The following LSAMP variants were observed in gnomAD, a reference collection of about 807,000 sequenced individuals.
The protein encoded by LSAMP is limbic system associated membrane protein.
A neutral mutation model predicts 38.6 loss-of-function variants in LSAMP; 7 were observed. The ratio of observed to expected loss-of-function variants is 0.18; its 90% CI spans 0.10 to 0.34. The LOEUF (loss-of-function observed/expected upper bound fraction) is 0.34. Ranked by LOEUF, LSAMP falls within the 10% of genes least tolerant of loss-of-function variation. The pLI, the probability that LSAMP is intolerant of heterozygous loss-of-function variation, is 1.00. For missense variants in LSAMP, 313 were observed against 420.0 expected, an observed-to-expected ratio of 0.75 and a Z score of 2.23; for synonymous variants, 154 against 166.8, an observed-to-expected ratio of 0.92 and a Z score of 0.59.
chr3:116,273,923 T>C (rs2047013898), intron 1 of LSAMP, among the ~76,000 whole-genome samples: 1 of 149,696 alleles, frequency 6.7e-6, no homozygotes, highest in Non-Finnish European at 1.5e-5. Flanking sequence ...TGTTTGACCA[T>C]AGGTTAGAAG....
At chr3:115,892,394 C>A (rs1479978919) in intron 3 of LSAMP, among the ~76,000 whole-genome samples, 1 of 151,970 alleles carries the variant, frequency 6.6e-6, no homozygotes, top group Non-Finnish European at 1.5e-5. Flanking sequence ...GTGGTATATT[C>A]ACACATTGGA....
At chr3:115,961,481 A>T (rs1436978806) in intron 3 of LSAMP, among the ~76,000 whole-genome samples, 2 of 152,184 alleles carry the variant, frequency 1.3e-5, no homozygotes, top group Non-Finnish European at 2.9e-5. Flanking sequence ...TCTTAGACAA[A>T]TCTGGCTTGA....
At chr3:116,111,802 A>G (rs530363020) in intron 1 of LSAMP, among the ~76,000 whole-genome samples, 1 of 152,342 alleles carries the variant, frequency 6.6e-6, no homozygotes, top group East Asian at 1.9e-4. Flanking sequence ...TTCTAATGAA[A>G]GAGATATATT....
chr3:116,033,528 C>A (rs1940976564), intron 2 of LSAMP, among the ~76,000 whole-genome samples: 1 of 152,100 alleles, frequency 6.6e-6, no homozygotes. Flanking sequence ...CCTCGTGGCT[C>A]CCGGTCTCAC....
At chr3:116,263,463 G>C (rs964909275) in intron 1 of LSAMP, among the ~76,000 whole-genome samples, 1 of 151,644 alleles carries the variant, frequency 6.6e-6, no homozygotes, top group Admixed American at 6.6e-5. Context: ...GCTTGAACTT[G>C]CGAGGCAGAG....
At chr3:115,871,768 A>T (rs1434551557) in intron 3 of LSAMP, among the ~76,000 whole-genome samples, 3 of 152,110 alleles carry the variant, frequency 2.0e-5, no homozygotes, top group Non-Finnish European at 2.9e-5. Context: ...TCTAGGAAGA[A>T]CTAAACCTCC....
intron 2 of LSAMP, among the ~76,000 whole-genome samples, chr3:116,029,015 A>T (rs908696279): frequency 2.6e-5 from 4 of 152,124 alleles, no homozygotes; most frequent in African/African-American, 7.2e-5. Context: ...TTTTCACCAA[A>T]TTTTTTAGAA....
chr3:116,439,746 C>T (rs1387236099), intron 1 of LSAMP, among the ~76,000 whole-genome samples: 2 of 152,172 alleles, frequency 1.3e-5, no homozygotes, highest in African/African-American at 4.8e-5. Flanking sequence ...ATTTTTGAGA[C>T]GGAGTCTCGC....
At chr3:116,249,104 G>A (rs1290931031) in intron 1 of LSAMP, among the ~76,000 whole-genome samples, 2 of 149,352 alleles carry the variant, frequency 1.3e-5, no homozygotes, top group Non-Finnish European at 3.0e-5. Flanking sequence ...GGCCAAGATC[G>A]CGCCACTGCA....
chr3:115,849,013 G>T (rs999498278), intron 4 of LSAMP, among the ~76,000 whole-genome samples: 8 of 152,180 alleles, frequency 5.3e-5, no homozygotes, highest in African/African-American at 1.9e-4. Flanking sequence ...TACATTTAAT[G>T]CACTGTGAAC....
chr3:116,229,985 T>C (rs937696101), intron 1 of LSAMP, among the ~76,000 whole-genome samples: 1 of 152,134 alleles, frequency 6.6e-6, no homozygotes, highest in Non-Finnish European at 1.5e-5. Context: ...CAAAGAAGAA[T>C]GACTGAAAAA....
chr3:116,163,787 ATTTCATGCCACATT>A (rs1222422889), intron 1 of LSAMP, among the ~76,000 whole-genome samples: 1 of 152,164 alleles, frequency 6.6e-6, no homozygotes, highest in Admixed American at 6.5e-5. Context: ...TAATTTTAAA[ATTTCATGCCACATT>A]TTTCATATTC....
At chr3:116,005,877 A>C (rs908405238) in intron 3 of LSAMP, among the ~76,000 whole-genome samples, 1 of 152,180 alleles carries the variant, frequency 6.6e-6, no homozygotes, top group South Asian at 2.1e-4. Flanking sequence ...GTGAGGAGCT[A>C]GCAATAGGGT....
At chr3:116,060,014 A>G (rs1941564468) in intron 2 of LSAMP, among the ~76,000 whole-genome samples, 1 of 152,198 alleles carries the variant, frequency 6.6e-6, no homozygotes. Flanking sequence ...CAGGCAGAAA[A>G]TGCTGATAAT....
chr3:116,145,966 T>A (rs150049134), intron 1 of LSAMP, among the ~76,000 whole-genome samples: 1 of 151,990 alleles, frequency 6.6e-6, no homozygotes, highest in Non-Finnish European at 1.5e-5. Flanking sequence ...GTATTTATAA[T>A]CTTTATTGCT....
chr3:115,851,916 A>G (rs1935343772), intron 4 of LSAMP, among the ~76,000 whole-genome samples: 1 of 152,176 alleles, frequency 6.6e-6, no homozygotes, highest in African/African-American at 2.4e-5. Flanking sequence ...TATGCATCTT[A>G]GTGAAATCTT....
chr3:116,225,582 A>T (rs1471983596), intron 1 of LSAMP, among the ~76,000 whole-genome samples: 2 of 152,326 alleles, frequency 1.3e-5, no homozygotes, highest in East Asian at 3.9e-4. Context: ...GTGACATGGT[A>T]TTGAGGCTAT....
At chr3:116,341,512 AC>A (rs2047994926) in intron 1 of LSAMP, among the ~76,000 whole-genome samples, 1 of 152,048 alleles carries the variant, frequency 6.6e-6, no homozygotes, top group African/African-American at 2.4e-5. Flanking sequence ...TAGTAATATG[AC>A]TTGAAAAATC....
In LSAMP at chr3:116,444,803, CACACACAA is replaced by C. The variant is rs869201478; in HGVS notation, c.155+66_155+73del. ...AGGAGATCAGACACACACACACACACACACACAAACACACACACACACACACACACACG... is the reference window on the plus strand; with the variant it reads ...AGGAGATCAGACACACACACACACACACACACACACACACACACACACACG... On this transcript the variant is annotated intron_variant, in intron 1 of 6. Coordinates refer to ENST00000490035, the MANE Select transcript of LSAMP (RefSeq NM_002338.5). 22 of 1,511,758 alleles carry C rather than the reference CACACACAA, an allele frequency of 1.5e-5. No homozygotes were observed. In the African/African-American group the frequency reaches 3.8e-4, roughly 26 times the overall value. The allele number at this position is 1,511,758 out of a possible 1,614,324, so 93.6% of individuals were successfully genotyped here. A position where few individuals can be genotyped will look rare whatever the true frequency, so the allele number is the denominator to read the frequency against.
Sources: allele counts gnomAD v4.1 joint callset (sites outside exome capture counted in the v4.1 genomes callset), GRCh38; gene constraint gnomAD v4.1.1; transcripts MANE v1.5; gene names NCBI Gene and HGNC (gene_info 2026-07-23, HGNC 2026-07-21).